KIF27: variants seen among roughly 807,000 people sequenced by gnomAD.
KIF27 encodes kinesin-like protein KIF27.
In KIF27, 84 loss-of-function variants were observed where a neutral mutation model predicts 141.8. The ratio of observed to expected loss-of-function variants is 0.59; its 90% CI spans 0.50 to 0.71. KIF27 has a LOEUF of 0.71. Ranked by LOEUF, KIF27 falls within the 30% of genes least tolerant of loss-of-function variation. The pLI, the probability that KIF27 is intolerant of heterozygous loss-of-function variation, is 0.00. For missense variants in KIF27, 1,306 were observed against 1,628.4 expected, an observed-to-expected ratio of 0.80 and a Z score of 3.41; for synonymous variants, 471 against 569.5, an observed-to-expected ratio of 0.83 and a Z score of 2.46.
chr9:83,842,325 A>C lies in KIF27; in HGVS notation c.3633T>G (p.Tyr1211Ter), dbSNP rs1331838704. Residue 1211 changes from tyrosine to a stop codon, truncating the protein, a stop_gained, in exon 17 of 18, where the codon TAT becomes TAG. Transcript: ENST00000297814. LOFTEE classifies it high-confidence loss of function. ...GATCCCGGCTGGTTTTCTTATAGAA[A>C]TAAAGATCTTTTTCCAACTGCTGGA... ...DKIQQLEKDL[Y>*]FYKKTSRDHK... 12 of 1,559,190 alleles carry C rather than the reference A, an allele frequency of 7.7e-6. No homozygotes were observed. Among genetic ancestry groups the C allele is most frequent in the Non-Finnish European group, 1.0e-5 (12 of 1,161,066 alleles).
intron 5 of KIF27, among the ~76,000 whole-genome samples, chr9:83,895,913 A>G (rs1439171110): frequency 6.6e-6 from 1 of 151,982 alleles, no homozygotes; most frequent in Admixed American, 6.6e-5. Context: ...TTAGCCAGGC[A>G]TGGTTGTGCA....
chr9:83,913,426 A>G (rs1955380780), intron 2 of KIF27, among the ~76,000 whole-genome samples: 1 of 152,174 alleles, frequency 6.6e-6, no homozygotes, highest in East Asian at 1.9e-4. Flanking sequence ...TCACTAAAAC[A>G]TCAAAAAATA....
At position 83,867,788 on chromosome 9, in the gene KIF27, C is replaced by A. The variant is rs376419864; in HGVS notation, c.2830G>T (p.Glu944Ter). ...KVLNQRQELEELEADLKKREA... is the reference protein window; with the variant it reads ...KVLNQRQELE ...CGTTTCTTTAAGTCTGCTTCCAGCT[C>A]CTCTAATTCTTGGCGTTGGTTCAGA... is the stretch of plus-strand genomic sequence containing the variant. The change falls in exon 13 of 18, where the codon GAG becomes TAG. Residue 944 changes from glutamate (E) to a stop codon, truncating the protein, a stop_gained. Coordinates refer to ENST00000297814, the MANE Select transcript of KIF27 (RefSeq NM_017576.4). LOFTEE classifies it high-confidence loss of function. 1.1e-5 allele frequency: 18 copies of A among 1,613,378 alleles called. No individual in the cohort carries two copies. Among genetic ancestry groups the A allele is most frequent in the Admixed American group, 5.0e-5 (3 of 59,946 alleles).
chr9:83,886,306 C>T (rs748254328), intron 9 of KIF27, among the ~76,000 whole-genome samples: 5 of 152,044 alleles, frequency 3.3e-5, no homozygotes, highest in African/African-American at 4.8e-5. Flanking sequence ...GTATACCCAA[C>T]GTGGTTGTTT....
chr9:83,897,498 A>T (rs1336563640), intron 5 of KIF27, among the ~76,000 whole-genome samples: 3 of 152,200 alleles, frequency 2.0e-5, no homozygotes, highest in African/African-American at 7.2e-5. Flanking sequence ...TGTGGAAGGC[A>T]AAACAATAAA....
chr9:83,876,886 G>A (rs1409565865), intron 11 of KIF27, among the ~76,000 whole-genome samples: 2 of 152,108 alleles, frequency 1.3e-5, no homozygotes, highest in African/African-American at 4.8e-5. Context: ...AACCAGCCTG[G>A]GAAATATAGC....
In KIF27 at chr9:83,889,698, G is replaced by C. The variant is rs376807517; in HGVS notation, c.1810-445C>G. ...AAATCCTACCACAGGAAGAAACCCAGAGCCGTCTCCACTCCCTCTGCCAGG... is the reference window on the plus strand; with the variant it reads ...AAATCCTACCACAGGAAGAAACCCACAGCCGTCTCCACTCCCTCTGCCAGG... On this transcript the variant is annotated intron_variant, in intron 6 of 17. Coordinates refer to ENST00000297814, the MANE Select transcript of KIF27 (RefSeq NM_017576.4). 3.2e-4 allele frequency among the ~76,000 whole-genome samples: 49 copies of C among 151,816 alleles called. 1 individual carries two copies. The East Asian group carries it at 9.5e-3, about 29-fold the overall frequency.
At chr9:83,896,063 A>C (rs1397665585) in intron 5 of KIF27, among the ~76,000 whole-genome samples, 12 of 149,328 alleles carry the variant, frequency 8.0e-5, no homozygotes, top group South Asian at 4.2e-4. Flanking sequence ...AAAAAAAAAA[A>C]AAAAAAAAAA....
intron 3 of KIF27, 41 bp downstream of exon 3, chr9:83,908,410 CT>C: frequency 8.4e-7 from 1 of 1,192,320 alleles, no homozygotes; most frequent in Non-Finnish European, 1.2e-6. Flanking sequence ...TAAAGCATGT[CT>C]GTTTGCTAAT....
intron 16 of KIF27, among the ~76,000 whole-genome samples, chr9:83,843,846 C>T (rs185909322): frequency 7.6e-4 from 116 of 152,224 alleles, no homozygotes; most frequent in African/African-American, 2.3e-3. Flanking sequence ...CCTTAGCCTC[C>T]GGGGTAGCTG....
chr9:83,834,805 G>A lies in KIF27; in HGVS notation c.*2196C>T, dbSNP rs1053313868. Among the ~76,000 whole-genome samples, 5 of 149,378 alleles carry A rather than the reference G, an allele frequency of 3.3e-5. No homozygotes were observed. Among genetic ancestry groups the A allele is most frequent in the Non-Finnish European group, 7.4e-5 (5 of 67,476 alleles). ...TCTATATCTATGTATATATACAAGT[G>A]TATCTATATATACATTATAGCTATA... On this transcript the variant is annotated 3_prime_UTR_variant, in exon 18 of 18. Transcript: ENST00000297814.
At chr9:83,850,427 G>C in intron 15 of KIF27, 130 bp from the exon 16 acceptor site, 1 of 648,058 alleles carries the variant, frequency 1.5e-6, no homozygotes. Flanking sequence ...CCAGGTATTG[G>C]GTCCTTAGGC....
In KIF27 at chr9:83,870,707, C is replaced by CTT. The variant is rs544179803; in HGVS notation, c.2644-77_2644-76dup. On this transcript the variant is annotated intron_variant, in intron 11 of 17. Coordinates refer to ENST00000297814, the MANE Select transcript of KIF27 (RefSeq NM_017576.4). ...TAAGTATGCTGATGACAATTATTTTCTTTTTTTTTTTTTTTTTTTTGGAGA... is the reference window on the plus strand; with the variant it reads ...TAAGTATGCTGATGACAATTATTTTCTTTTTTTTTTTTTTTTTTTTTTGGAGA... The CTT allele has an allele frequency of 5.5e-3, 6,843 of 1,243,374 alleles. 10 individuals carry two copies. Among genetic ancestry groups the CTT allele is most frequent in the East Asian group, 9.3e-3 (256 of 27,650 alleles). The allele number at this position is 1,243,374 out of a possible 1,614,324, so 77.0% of individuals were successfully genotyped here. A position where few individuals can be genotyped will look rare whatever the true frequency, so the allele number is the denominator to read the frequency against.
chr9:83,912,507 T>C (rs1393461002), intron 2 of KIF27, among the ~76,000 whole-genome samples: 3 of 152,198 alleles, frequency 2.0e-5, no homozygotes, highest in Admixed American at 1.3e-4. Context: ...ATAAGCAATC[T>C]TGATTATCCA....
chr9:83,917,144 CACA>C (rs1056140820), intron 1 of KIF27, among the ~76,000 whole-genome samples: 7 of 151,950 alleles, frequency 4.6e-5, no homozygotes, highest in African/African-American at 1.5e-4. Flanking sequence ...TCCCCCACCC[CACA>C]ACAAGCCCCA....
chr9:83,842,150 A>G (rs1365218937), intron 17 of KIF27, 87 bp downstream of exon 17: 5 of 1,360,592 alleles, frequency 3.7e-6, no homozygotes, highest in South Asian at 1.9e-5. Context: ...AACCCAGTCA[A>G]TTGGTAAAGG....
intron 16 of KIF27, among the ~76,000 whole-genome samples, chr9:83,844,708 C>G (rs372210737): frequency 6.6e-6 from 1 of 152,232 alleles, no homozygotes; most frequent in East Asian, 1.9e-4. Context: ...CATAATGAAG[C>G]TGGTTGGTTG....
At chr9:83,908,709 AC>A in intron 2 of KIF27, 57 bp from the exon 3 acceptor site, 1 of 1,059,942 alleles carries the variant, frequency 9.4e-7, no homozygotes, top group Non-Finnish European at 1.4e-6. Context: ...CAAAGCTACA[AC>A]CCCAAATTTA....
At chr9:83,853,013 C>T (rs1013945602) in intron 15 of KIF27, among the ~76,000 whole-genome samples, 6 of 152,006 alleles carry the variant, frequency 3.9e-5, no homozygotes, top group Non-Finnish European at 5.9e-5. Flanking sequence ...TTTAACACTT[C>T]GTAATATATA....
Sources: allele counts gnomAD v4.1 joint callset (sites outside exome capture counted in the v4.1 genomes callset), GRCh38; gene constraint gnomAD v4.1.1; transcripts MANE v1.5; gene names NCBI Gene and HGNC (gene_info 2026-07-23, HGNC 2026-07-21).